The following RBBP8 variants were observed in gnomAD, a reference collection of about 807,000 sequenced individuals.
The protein encoded by RBBP8 is DNA endonuclease RBBP8.
Under a neutral mutation model 108.3 loss-of-function variants are expected in RBBP8, and 88 were observed. The observed-to-expected ratio is 0.81, with a 90% CI of 0.68 to 0.97. The LOEUF is 0.97. Ranked by LOEUF, RBBP8 falls within the 50% of genes least tolerant of loss-of-function variation. The pLI is 0.00. For missense variants in RBBP8, 1,023 were observed against 1,049.0 expected (o/e 0.98, Z 0.34); for synonymous variants, 332 against 348.2 (o/e 0.95, Z 0.52).
intron 4 of RBBP8, among the ~76,000 whole-genome samples, chr18:22,964,394 T>TC: frequency 6.6e-6 from 1 of 151,074 alleles, no homozygotes; most frequent in East Asian, 1.9e-4. Context: ...TTTTTTCTTT[T>TC]CAGTCCTTTA....
chr18:23,025,068 T>TGA (rs770816571), intron 18 of RBBP8, among the ~76,000 whole-genome samples: 4 of 150,604 alleles, frequency 2.7e-5, no homozygotes, highest in Non-Finnish European at 4.4e-5. Context: ...GGCAACAGAG[T>TGA]GAGACCCTGG....
At chr18:22,980,110 G>A (rs1042486515) in intron 6 of RBBP8, among the ~76,000 whole-genome samples, 1 of 152,062 alleles carries the variant, frequency 6.6e-6, no homozygotes, top group Non-Finnish European at 1.5e-5. Context: ...GCCAGGCATG[G>A]TGTTGCACGC....
rs1384555924 is a variant in RBBP8 at position 22,993,050 on chromosome 18, T to C, written c.1223T>C (p.Ile408Thr). 7.4e-6 allele frequency: 12 copies of C among 1,612,426 alleles called. No homozygotes were observed. The highest frequency in any genetic ancestry group is 4.5e-5 in the East Asian group (2 of 44,866). Residue 408 changes from isoleucine to threonine, a missense_variant, in exon 11 of 19, where the codon ATA (isoleucine) becomes ACA (threonine). Physicochemically the swap from Ile to Thr is moderately conservative, Grantham distance 89 (BLOSUM62 -1). Transcript: ENST00000327155. ...CAGTCATCTAATAAACAGATACTTA[T>C]AAATAAAAATATAAGTGAATCCCTA... ...IIQSSNKQIL[I>T]NKNISESLGE...
In RBBP8 at chr18:22,941,861, T is replaced by C. The variant is rs1001203598; in HGVS notation, c.110-4583T>C. 3.9e-5 allele frequency among the ~76,000 whole-genome samples: 6 copies of C among 152,252 alleles called. No individual in the cohort carries two copies. The East Asian group carries it at 9.6e-4, about 24-fold the overall frequency. Reference sequence around the variant, plus strand: ...AGAGAAGATAATCTTTGGTACGTTATATTGATCATGCCACTTTCCCAATTT... The same window carrying C: ...AGAGAAGATAATCTTTGGTACGTTACATTGATCATGCCACTTTCCCAATTT... On this transcript the variant is annotated intron_variant, in intron 2 of 18. Coordinates refer to ENST00000327155, the MANE Select transcript of RBBP8 (RefSeq NM_002894.3).
Position 22,991,023 on chromosome 18 carries a change from T to C in RBBP8, c.894T>C (p.Ser298=), listed in dbSNP as rs1300896316. The change falls in exon 10 of 19, where the codon TCT becomes TCC. Residue 298 remains serine, a synonymous_variant. Transcript: ENST00000327155. ...GNHKKQPFEE[S]TRNTEDSLRF... ...ACAAGAAACAGCCTTTTGAGGAATC[T>C]ACAAGAAATACTGAAGATAGTTTAA... 1 of 1,612,654 alleles carries C rather than the reference T, an allele frequency of 6.2e-7. No individual in the cohort carries two copies. The highest frequency in any genetic ancestry group is 1.1e-5 in the South Asian group (1 of 91,054).
chr18:23,012,525 C>G (rs1186475376), intron 16 of RBBP8, among the ~76,000 whole-genome samples: 1 of 151,888 alleles, frequency 6.6e-6, no homozygotes, highest in Non-Finnish European at 1.5e-5. Flanking sequence ...AACCAGCCAC[C>G]GCATTCCTTT....
chr18:22,993,617 A>C lies in RBBP8; in HGVS notation c.1790A>C (p.Glu597Ala). 1 of 1,614,270 alleles carries C rather than the reference A, an allele frequency of 6.2e-7. No individual in the cohort carries two copies. Among genetic ancestry groups the C allele is most frequent in the Non-Finnish European group, 8.5e-7 (1 of 1,180,040 alleles). The change falls in exon 11 of 19, where the codon GAG (glutamate) becomes GCG (alanine). Residue 597 changes from glutamate to alanine, a missense_variant. Transcript: ENST00000327155. ...PLRPRESLET[E>A]NVLDDIKSAG... ...CGTCCACGTGAAAGTTTGGAGACTG[A>C]GAATGTTTTAGATGACATAAAGGTT...
chr18:22,964,944 A>G (rs9951410), intron 4 of RBBP8, among the ~76,000 whole-genome samples: 74,603 of 151,880 alleles, frequency 0.49, 21,692 homozygotes, highest in Middle Eastern at 0.67. Flanking sequence ...CTTGGAAACT[A>G]TGACTTTAAA....
At chr18:22,927,468 G>C (rs574027768) in intron 3 of RBBP8, among the ~76,000 whole-genome samples, 2 of 152,060 alleles carry the variant, frequency 1.3e-5, no homozygotes, top group African/African-American at 2.4e-5. Context: ...TTCACTCATT[G>C]ATTATATTAT....
rs1478509631 is a variant in RBBP8, at chr18:22,975,239, CTTG to C, written c.428+23_428+25del. On this transcript the variant is annotated intron_variant, in intron 6 of 18. Coordinates refer to ENST00000327155, the MANE Select transcript of RBBP8 (RefSeq NM_002894.3). Reference sequence around the variant, plus strand: ...AATTGAGTAAGTATTTTCCTCCAACCTTGTTATTTTATTTTATTTAGCTATACA... The same window carrying C: ...AATTGAGTAAGTATTTTCCTCCAACCTTATTTTATTTTATTTAGCTATACA... The C allele has an allele frequency of 2.5e-6, 4 of 1,611,278 alleles. No individual in the cohort carries two copies. In the South Asian group the frequency reaches 4.4e-5, roughly 18 times the overall value.
chr18:22,986,985 T>C (rs1915374497), intron 8 of RBBP8, among the ~76,000 whole-genome samples: 1 of 152,220 alleles, frequency 6.6e-6, no homozygotes, highest in South Asian at 2.1e-4. Flanking sequence ...TTATACAGTA[T>C]CTGCAGCTTC....
At chr18:23,011,439 A>T (rs374997321) in intron 16 of RBBP8, among the ~76,000 whole-genome samples, 34 of 139,148 alleles carry the variant, frequency 2.4e-4, no homozygotes, top group Non-Finnish European at 2.4e-4. Context: ...CTTTGATGCT[A>T]TTTTTTTTTT....
intron 2 of RBBP8, among the ~76,000 whole-genome samples, chr18:22,938,577 A>T (rs979933524): frequency 6.6e-6 from 1 of 152,204 alleles, no homozygotes; most frequent in African/African-American, 2.4e-5. Flanking sequence ...CATAGTTTGT[A>T]TACAACTTGC....
chr18:22,973,043 T>A (rs1228036086), intron 5 of RBBP8, among the ~76,000 whole-genome samples: 2 of 152,174 alleles, frequency 1.3e-5, no homozygotes, highest in African/African-American at 4.8e-5. Flanking sequence ...CTGATTTTCT[T>A]GTCTCGGTAT....
chr18:22,944,355 C>T (rs1279370911), intron 2 of RBBP8, among the ~76,000 whole-genome samples: 1 of 152,118 alleles, frequency 6.6e-6, no homozygotes, highest in Non-Finnish European at 1.5e-5. Flanking sequence ...TGTTTCTTTT[C>T]TTAAAATGGT....
At chr18:22,976,833 C>G (rs538536783) in intron 6 of RBBP8, among the ~76,000 whole-genome samples, 1 of 152,012 alleles carries the variant, frequency 6.6e-6, no homozygotes, top group African/African-American at 2.4e-5. Flanking sequence ...ATTAGATAGA[C>G]GATTGCCTCA....
intron 5 of RBBP8, among the ~76,000 whole-genome samples, chr18:22,973,226 T>G (rs1445397822): frequency 6.6e-6 from 1 of 152,228 alleles, no homozygotes; most frequent in African/African-American, 2.4e-5. Context: ...TTAAAGGCCC[T>G]TTTTCATTGG....
At chr18:22,929,465 G>GGTGTGTGTGTGTGT (rs1165994615), upstream of RBBP8, 2 of 110,714 alleles carry the variant, frequency 1.8e-5, no homozygotes, top group African/African-American at 8.5e-5. Context: ...TGTTTGGGCA[G>GGTGTGTGTGTGTGT]GTGTGTGTGT....
intron 5 of RBBP8, among the ~76,000 whole-genome samples, chr18:22,969,866 A>G (rs576127124): frequency 6.6e-6 from 1 of 152,196 alleles, no homozygotes; most frequent in Non-Finnish European, 1.5e-5. Context: ...TCTGTGGTGT[A>G]TATGGGTGAA....
Sources: gnomAD v4.1 joint callset for allele counts (sites outside exome capture counted in the v4.1 genomes callset) on GRCh38, gnomAD v4.1.1 for gene constraint, MANE v1.5 for transcripts, NCBI Gene and HGNC (gene_info 2026-07-23, HGNC 2026-07-21) for gene names.